Variants in DERA observed in about 807,000 individuals in gnomAD.
The protein encoded by DERA is deoxyribose-phosphate aldolase, also known as 2-deoxy-D-ribose 5-phosphate aldolase.
Under a neutral mutation model 41.1 loss-of-function variants are expected in DERA, and 15 were observed. The ratio of observed to expected loss-of-function variants is 0.37; its 90% CI spans 0.24 to 0.56. The LOEUF (loss-of-function observed/expected upper bound fraction) is 0.56, where lower values mean the gene tolerates loss of function less well. Among genes scored for constraint, DERA ranks in the 20% least tolerant of loss-of-function variants. The probability of loss-of-function intolerance (pLI) is 0.81; values close to 1 mark genes in which losing one functional copy is unlikely to be tolerated. For missense variants in DERA, 396 were observed against 403.4 expected, an observed-to-expected ratio of 0.98 and a Z score of 0.16; for synonymous variants, 139 against 137.4, an observed-to-expected ratio of 1.01 and a Z score of -0.08.
At chr12:15,927,406 A>G (rs189475058) in intron 1 of DERA, among the ~76,000 whole-genome samples, 1 of 152,210 alleles carries the variant, frequency 6.6e-6, no homozygotes, top group Admixed American at 6.5e-5. Context: ...TTACTTAAGA[A>G]CAGTAACGCT....
At chr12:15,997,405 A>C (rs1948845824) in intron 6 of DERA, among the ~76,000 whole-genome samples, 1 of 152,192 alleles carries the variant, frequency 6.6e-6, no homozygotes, top group African/African-American at 2.4e-5. Context: ...AAGATATGTT[A>C]ACAGGGAAAA....
At chr12:15,932,013 G>T (rs1948331604) in intron 1 of DERA, among the ~76,000 whole-genome samples, 1 of 152,156 alleles carries the variant, frequency 6.6e-6, no homozygotes, top group Admixed American at 6.5e-5. Flanking sequence ...GAACTTTGCA[G>T]CCTACAGAAC....
rs941697295 is a variant in DERA, at chr12:16,013,970, C to T, written c.638-18572C>T. ...CCCTAAAGATCTGCGGAACTTTGAA[C>T]TTGAGAGAGGTGATTTAGGGTATTT... On this transcript the variant is annotated intron_variant, in intron 6 of 8. Transcript: ENST00000428559. The surrounding 1 kb of genome is among the most constrained non-coding windows in gnomAD (Gnocchi z 5.8). Among the ~76,000 whole-genome samples, 145 of 152,242 alleles carry T rather than the reference C, an allele frequency of 9.5e-4. 1 individual carries two copies. Among genetic ancestry groups the T allele is most frequent in the African/African-American group, 3.4e-3 (140 of 41,542 alleles).
At position 15,999,256 on chromosome 12, in the gene DERA, C is replaced by T. The variant is rs1301327416; in HGVS notation, c.637+16820C>T. ...TATTTGATGAAGGCATAATGTTTATCAGACACTATTCTAGGCATTGGAGGA... is the reference window on the plus strand; with the variant it reads ...TATTTGATGAAGGCATAATGTTTATTAGACACTATTCTAGGCATTGGAGGA... On this transcript the variant is annotated intron_variant, in intron 6 of 8. Coordinates refer to ENST00000428559, the MANE Select transcript of DERA (RefSeq NM_015954.4). This position sits in a 1 kb window ranked among gnomAD's most constrained non-coding sequence, Gnocchi z 5.3. Among the ~76,000 whole-genome samples the T allele has an allele frequency of 6.6e-6, 1 of 152,166 alleles. No individual in the cohort carries two copies. The highest frequency in any genetic ancestry group is 2.4e-5 in the African/African-American group (1 of 41,446).
rs771382015 is a variant in DERA, at chr12:15,983,840, AT to A, written c.637+1405del. ...GGCACAACTGCTGTATCTAGAAAAT[AT>A]CTGCAGTTGTTATCTGAGAGCAAAA... On this transcript the variant is annotated intron_variant, in intron 6 of 8. Coordinates refer to ENST00000428559, the MANE Select transcript of DERA (RefSeq NM_015954.4). The surrounding 1 kb of genome is among the most constrained non-coding windows in gnomAD (Gnocchi z 6.2). Among the ~76,000 whole-genome samples the A allele has an allele frequency of 1.5e-4, 23 of 152,192 alleles. No individual in the cohort carries two copies. The highest frequency in any genetic ancestry group is 2.6e-4 in the Non-Finnish European group (18 of 68,046).
chr12:16,036,560 A>T lies in DERA; in HGVS notation c.901-130A>T. 6 of 999,684 alleles carry T rather than the reference A, an allele frequency of 6.0e-6. No homozygotes were observed. The East Asian group carries it at 1.4e-4, about 23-fold the overall frequency. The allele number at this position is 999,684 out of a possible 1,614,324, so 61.9% of individuals were successfully genotyped here. Reference sequence around the variant, plus strand: ...AGTGAGTAGGGTGGAGATTCTGCTGAAGCACATACTAGTGAGGCTTTCTAA... The same window carrying T: ...AGTGAGTAGGGTGGAGATTCTGCTGTAGCACATACTAGTGAGGCTTTCTAA... On this transcript the variant is annotated intron_variant, in intron 8 of 8. Coordinates refer to ENST00000428559, the MANE Select transcript of DERA (RefSeq NM_015954.4). The surrounding 1 kb of genome is among the most constrained non-coding windows in gnomAD (Gnocchi z 4.9).
intron 6 of DERA, among the ~76,000 whole-genome samples, chr12:15,987,051 T>G (rs1218801451): frequency 6.6e-6 from 1 of 152,126 alleles, no homozygotes; most frequent in Non-Finnish European, 1.5e-5. Flanking sequence ...TATCTTATCT[T>G]ACTCTAGCTA....
In DERA at chr12:16,017,773, CTCTT is replaced by C. The variant is rs1465071388; in HGVS notation, c.638-14765_638-14762del. On this transcript the variant is annotated intron_variant, in intron 6 of 8. Coordinates refer to ENST00000428559, the MANE Select transcript of DERA (RefSeq NM_015954.4). The surrounding 1 kb of genome is among the most constrained non-coding windows in gnomAD (Gnocchi z 5.5). ...AGTGTCGGAATTACCATACGAAACT[CTCTT>C]TCTAACTTTAATCGGTAATTTCTCA... 4.6e-5 allele frequency among the ~76,000 whole-genome samples: 7 copies of C among 152,190 alleles called. No homozygotes were observed. The highest frequency in any genetic ancestry group is 7.2e-5 in the African/African-American group (3 of 41,460).
intron 4 of DERA, 38 bp from the exon 5 acceptor site, chr12:15,962,775 C>A: frequency 6.6e-7 from 1 of 1,508,822 alleles, no homozygotes; most frequent in Non-Finnish European, 8.9e-7. Context: ...TTCTTCCCTC[C>A]TTCCCTCTTT....
rs530944259 is a variant in DERA at position 16,011,906 on chromosome 12, A to AT, written c.638-20628dup. Among the ~76,000 whole-genome samples the AT allele has an allele frequency of 1.3e-4, 20 of 152,064 alleles. No homozygotes were observed. Among genetic ancestry groups the AT allele is most frequent in the African/African-American group, 4.1e-4 (17 of 41,486 alleles). On this transcript the variant is annotated intron_variant, in intron 6 of 8. Transcript: ENST00000428559. This position sits in a 1 kb window ranked among gnomAD's most constrained non-coding sequence, Gnocchi z 4.7. ...TACTGGCCTAATTGCCATGAGTCTCATTTTTTTTCTTCTCAGCAATGCCAC... is the reference window on the plus strand; with the variant it reads ...TACTGGCCTAATTGCCATGAGTCTCATTTTTTTTTCTTCTCAGCAATGCCAC...
At chr12:16,015,936 T>A (rs544981690) in intron 6 of DERA, among the ~76,000 whole-genome samples, 2 of 152,360 alleles carry the variant, frequency 1.3e-5, no homozygotes, top group East Asian at 3.8e-4. Flanking sequence ...TTCCTTTTTT[T>A]AAATTGAGAT....
At position 15,982,450 on chromosome 12, in the gene DERA, G is replaced by A; in HGVS notation, c.637+14G>A. ...CAATGATGGCAGGTAAGTGTTTTAT[G>A]TTCAAATAATGTTTTCTATTGAATT... On this transcript the variant is annotated intron_variant, in intron 6 of 8. Coordinates refer to ENST00000428559, the MANE Select transcript of DERA (RefSeq NM_015954.4). The surrounding 1 kb of genome is among the most constrained non-coding windows in gnomAD (Gnocchi z 4.0). 6.3e-7 allele frequency: 1 copy of A among 1,593,904 alleles called. No individual in the cohort carries two copies. The highest frequency in any genetic ancestry group is 2.2e-5 in the East Asian group (1 of 44,656).
intron 1 of DERA, among the ~76,000 whole-genome samples, chr12:15,927,772 TCAC>T (rs1948298218): frequency 6.6e-6 from 1 of 152,198 alleles, no homozygotes; most frequent in African/African-American, 2.4e-5. Context: ...CATATAACCT[TCAC>T]ATTCCATATA....
chr12:15,920,510 G>T (rs1346454099), intron 1 of DERA, among the ~76,000 whole-genome samples: 1 of 152,160 alleles, frequency 6.6e-6, no homozygotes, highest in Non-Finnish European at 1.5e-5. Context: ...AAAAAACACA[G>T]ATTCCTGAGC....
chr12:15,940,104 A>T lies in DERA; in HGVS notation c.32-16832A>T, dbSNP rs946459044. On this transcript the variant is annotated intron_variant, in intron 1 of 8. Transcript: ENST00000428559. The surrounding 1 kb of genome is among the most constrained non-coding windows in gnomAD (Gnocchi z 5.1). ...GTTGTCACTGCAAAATCACATAATT[A>T]TGTGTTTATCCTAACCTCTTTAACT... 6.6e-6 allele frequency among the ~76,000 whole-genome samples: 1 copy of T among 152,214 alleles called. No individual in the cohort carries two copies. The highest frequency in any genetic ancestry group is 1.5e-5 in the Non-Finnish European group (1 of 68,030).
chr12:15,949,347 C>T (rs1948477702), intron 1 of DERA, among the ~76,000 whole-genome samples: 2 of 152,098 alleles, frequency 1.3e-5, no homozygotes, highest in Admixed American at 1.3e-4. Context: ...TGGGCTACAC[C>T]CAGTTCGAGC....
intron 6 of DERA, among the ~76,000 whole-genome samples, chr12:15,991,470 T>G (rs916986076): frequency 6.6e-6 from 1 of 152,170 alleles, no homozygotes; most frequent in Non-Finnish European, 1.5e-5. Flanking sequence ...TTTAAATTTT[T>G]TATTTTGGAT....
intron 6 of DERA, among the ~76,000 whole-genome samples, chr12:16,005,845 C>G (rs1026125917): frequency 6.6e-6 from 1 of 152,146 alleles, no homozygotes; most frequent in Non-Finnish European, 1.5e-5. Flanking sequence ...GAAGATTATG[C>G]TCTGTGGGAA....
rs1948529484 is a variant in DERA at position 15,955,280 on chromosome 12, CAGAG to C, written c.32-1652_32-1649del. 2.7e-5 allele frequency among the ~76,000 whole-genome samples: 4 copies of C among 148,266 alleles called. No homozygotes were observed. In the South Asian group the frequency reaches 8.5e-4, roughly 32 times the overall value. ...TACCACTGCATTCCAGCCTGGGCGACAGAGAGACTGTGTCTGAAAAAAAAAAAAA... is the reference window on the plus strand; with the variant it reads ...TACCACTGCATTCCAGCCTGGGCGACAGACTGTGTCTGAAAAAAAAAAAAA... On this transcript the variant is annotated intron_variant, in intron 1 of 8. Transcript: ENST00000428559.
Sources: allele counts gnomAD v4.1 joint callset (sites outside exome capture counted in the v4.1 genomes callset), GRCh38; gene constraint gnomAD v4.1.1; non-coding constraint Gnocchi (gnomAD v3.1); transcripts MANE v1.5; gene names NCBI Gene and HGNC (gene_info 2026-07-23, HGNC 2026-07-21).